Variants in MAP3K5 observed in about 807,000 individuals in gnomAD.
MAP3K5 encodes the protein ASK-1.
In MAP3K5, 56 loss-of-function variants were observed where a neutral mutation model predicts 158.7. The ratio of observed to expected loss-of-function variants is 0.35; its 90% confidence interval spans 0.28 to 0.44. The LOEUF is 0.44. Among genes scored for constraint, MAP3K5 ranks in the 20% least tolerant of loss-of-function variants. The probability of loss-of-function intolerance (pLI) is 1.00; values close to 1 mark genes in which losing one functional copy is unlikely to be tolerated. For missense variants in MAP3K5, 1,294 were observed against 1,674.8 expected, an observed-to-expected ratio of 0.77 and a Z score of 3.97; for synonymous variants, 579 against 601.7, an observed-to-expected ratio of 0.96 and a Z score of 0.55.
intron 3 of MAP3K5, among the ~76,000 whole-genome samples, chr6:136,698,983 T>C (rs1033292327): frequency 9.9e-5 from 15 of 152,206 alleles, no homozygotes; most frequent in African/African-American, 3.6e-4. Context: ...GAAAAAGTAG[T>C]TTAAAGCATG....
intron 21 of MAP3K5, among the ~76,000 whole-genome samples, chr6:136,596,429 G>T (rs1775633705): frequency 6.6e-6 from 1 of 152,212 alleles, no homozygotes; most frequent in Non-Finnish European, 1.5e-5. Flanking sequence ...ACGCTACATG[G>T]GTGGGAAGGA....
At chr6:136,558,112 C>T (rs1037790821) in intron 29 of MAP3K5, among the ~76,000 whole-genome samples, 10 of 152,274 alleles carry the variant, frequency 6.6e-5, no homozygotes, top group Admixed American at 2.0e-4. Context: ...GGCGCGGTGG[C>T]GCATGCCTGT....
intron 1 of MAP3K5, among the ~76,000 whole-genome samples, chr6:136,736,617 A>T (rs930365462): frequency 5.9e-5 from 9 of 152,170 alleles, no homozygotes; most frequent in African/African-American, 2.2e-4. Flanking sequence ...ATAATGAAAG[A>T]GTCTGGTTCT....
intron 1 of MAP3K5, among the ~76,000 whole-genome samples, chr6:136,748,635 T>C (rs1299552243): frequency 6.6e-6 from 1 of 152,176 alleles, no homozygotes; most frequent in Non-Finnish European, 1.5e-5. Flanking sequence ...AGAATAAAGA[T>C]GCAATTAAAT....
intron 2 of MAP3K5, among the ~76,000 whole-genome samples, chr6:136,706,337 T>C (rs1272421291): frequency 6.6e-6 from 1 of 152,026 alleles, no homozygotes; most frequent in East Asian, 1.9e-4. Flanking sequence ...TTGAGTGAGA[T>C]CATACAAATA....
chr6:136,724,596 CTCTAAACA>C (rs1008606185), intron 1 of MAP3K5, among the ~76,000 whole-genome samples: 5 of 152,168 alleles, frequency 3.3e-5, no homozygotes, highest in East Asian at 1.9e-4. Context: ...TATTTATTAC[CTCTAAACA>C]TCTAAACAGG....
chr6:136,789,930 G>C (rs1275437562), intron 1 of MAP3K5, among the ~76,000 whole-genome samples: 1 of 152,082 alleles, frequency 6.6e-6, no homozygotes, highest in Non-Finnish European at 1.5e-5. Flanking sequence ...GACCTCAGGT[G>C]ATCCACCCGC....
rs140190364 is a variant in MAP3K5 at position 136,716,408 on chromosome 6, G to C, written c.588+4042C>G. On this transcript the variant is annotated intron_variant, in intron 2 of 29. Transcript: ENST00000359015. ...TGTTGTTTTGCTTCCTTTAAAAGTAGCATTGTTTAAAGTGAGTGGGGAGTG... is the reference window on the plus strand; with the variant it reads ...TGTTGTTTTGCTTCCTTTAAAAGTACCATTGTTTAAAGTGAGTGGGGAGTG... Among the ~76,000 whole-genome samples, 314 of 152,284 alleles carry C rather than the reference G, an allele frequency of 2.1e-3. 4 individuals carry two copies. Among genetic ancestry groups the C allele is most frequent in the Admixed American group, 0.018 (274 of 15,290 alleles).
intron 14 of MAP3K5, among the ~76,000 whole-genome samples, chr6:136,628,161 G>A (rs1190289967): frequency 6.6e-6 from 1 of 151,818 alleles, no homozygotes; most frequent in African/African-American, 2.4e-5. Context: ...GCCTAGGCCG[G>A]AGTGCAGTGG....
intron 11 of MAP3K5, chr6:136,648,092 C>G (rs546177217): frequency 2.6e-5 from 4 of 152,306 alleles, no homozygotes; most frequent in East Asian, 1.9e-4. Context: ...ATTTACTGCA[C>G]TCATGGAAGT....
chr6:136,759,575 A>C (rs1783654025), intron 1 of MAP3K5, among the ~76,000 whole-genome samples: 1 of 149,292 alleles, frequency 6.7e-6, no homozygotes, highest in African/African-American at 2.5e-5. Flanking sequence ...GGCTCGAGCG[A>C]TCCTCCCACC....
At chr6:136,620,970 G>T (rs1017218172) in intron 15 of MAP3K5, among the ~76,000 whole-genome samples, 4 of 152,154 alleles carry the variant, frequency 2.6e-5, no homozygotes, top group Non-Finnish European at 4.4e-5. Flanking sequence ...CTTTCACAAG[G>T]CCTCACTATG....
chr6:136,601,456 G>A (rs754656798), intron 20 of MAP3K5, among the ~76,000 whole-genome samples: 25 of 152,052 alleles, frequency 1.6e-4, no homozygotes, highest in Non-Finnish European at 1.2e-4. Flanking sequence ...GGCTCTGTAG[G>A]CCCATTTGTG....
intron 13 of MAP3K5, among the ~76,000 whole-genome samples, chr6:136,638,521 T>C (rs983357175): frequency 6.6e-6 from 1 of 152,226 alleles, no homozygotes; most frequent in Non-Finnish European, 1.5e-5. Flanking sequence ...CTTTGAAGAC[T>C]GAAACAAATA....
At chr6:136,632,046 G>A (rs1777383245) in intron 14 of MAP3K5, among the ~76,000 whole-genome samples, 1 of 152,172 alleles carries the variant, frequency 6.6e-6, no homozygotes, top group African/African-American at 2.4e-5. Context: ...CACTAAGTGG[G>A]ACTGAGGAGA....
chr6:136,661,431 T>G (rs748310244), intron 8 of MAP3K5, among the ~76,000 whole-genome samples: 1 of 152,216 alleles, frequency 6.6e-6, no homozygotes, highest in Non-Finnish European at 1.5e-5. Flanking sequence ...GGTCTCACTC[T>G]GTCGCCCAGG....
chr6:136,681,832 T>C (rs1779950551), intron 7 of MAP3K5, among the ~76,000 whole-genome samples: 1 of 151,826 alleles, frequency 6.6e-6, no homozygotes, highest in Non-Finnish European at 1.5e-5. Flanking sequence ...GGCAGGAGAA[T>C]GGCGTGAACC....
At chr6:136,640,040 T>C (rs1777850189) in intron 12 of MAP3K5, among the ~76,000 whole-genome samples, 1 of 152,212 alleles carries the variant, frequency 6.6e-6, no homozygotes, top group Admixed American at 6.5e-5. Context: ...TTTCCAAAGC[T>C]AGGCAGTCAA....
chr6:136,621,866 C>T (rs1056844788), intron 15 of MAP3K5, among the ~76,000 whole-genome samples: 1 of 152,080 alleles, frequency 6.6e-6, no homozygotes, highest in African/African-American at 2.4e-5. Context: ...GCGGGCGGAT[C>T]ACGAGGTCAG....
Sources: allele counts gnomAD v4.1 joint callset (sites outside exome capture counted in the v4.1 genomes callset), GRCh38; gene constraint gnomAD v4.1.1; transcripts MANE v1.5; gene names NCBI Gene and HGNC (gene_info 2026-07-23, HGNC 2026-07-21).